Variants in DIAPH3 observed in about 807,000 individuals in gnomAD.
DIAPH3 encodes the protein protein diaphanous homolog 3.
A neutral mutation model predicts 144.3 loss-of-function variants in DIAPH3; 117 were observed. That is an observed-to-expected ratio of 0.81 (90% CI 0.70 to 0.95). The LOEUF (loss-of-function observed/expected upper bound fraction) is 0.95, where lower values mean the gene tolerates loss of function less well. Among genes scored for constraint, DIAPH3 ranks in the 40% least tolerant of loss-of-function variants. DIAPH3 has a pLI of 0.00. For synonymous variants in DIAPH3, 519 were observed against 488.9 expected, an observed-to-expected ratio of 1.06 and a Z score of -0.81; for missense variants, 1,421 against 1,412.7, an observed-to-expected ratio of 1.01 and a Z score of -0.09.
At chr13:59,917,868 C>T (rs369768037) in intron 18 of DIAPH3, among the ~76,000 whole-genome samples, 18 of 107,020 alleles carry the variant, frequency 1.7e-4, no homozygotes, top group African/African-American at 5.1e-4. Flanking sequence ...CCAGCCTGGG[C>T]GACAGAGTAA....
chr13:59,679,241 A>C (rs983294182), intron 27 of DIAPH3, among the ~76,000 whole-genome samples: 14 of 152,206 alleles, frequency 9.2e-5, no homozygotes, highest in Admixed American at 9.2e-4. Flanking sequence ...ATTCCTATGA[A>C]ACCCCAGGCT....
At chr13:60,105,719 C>A (rs183115236) in intron 3 of DIAPH3, among the ~76,000 whole-genome samples, 1 of 152,090 alleles carries the variant, frequency 6.6e-6, no homozygotes, top group African/African-American at 2.4e-5. Flanking sequence ...CTAGTCAAGC[C>A]TTAATACACT....
At chr13:59,708,027 C>T (rs2034524870) in intron 27 of DIAPH3, among the ~76,000 whole-genome samples, 1 of 151,228 alleles carries the variant, frequency 6.6e-6, no homozygotes, top group South Asian at 2.1e-4. Flanking sequence ...ATCCTAATTC[C>T]TCTTCAAACT....
intron 20 of DIAPH3, among the ~76,000 whole-genome samples, chr13:59,890,707 T>C (rs918301192): frequency 4.6e-5 from 7 of 152,010 alleles, no homozygotes; most frequent in Non-Finnish European, 1.0e-4. Flanking sequence ...TATATGTATG[T>C]ATGTATAAGG....
chr13:60,017,767 T>G (rs1196308619), intron 5 of DIAPH3, among the ~76,000 whole-genome samples: 1 of 152,202 alleles, frequency 6.6e-6, no homozygotes, highest in Non-Finnish European at 1.5e-5. Context: ...TAAAATGCAC[T>G]TAAACAGGAA....
intron 21 of DIAPH3, among the ~76,000 whole-genome samples, chr13:59,866,109 A>T (rs750997737): frequency 1.5e-4 from 23 of 151,984 alleles, no homozygotes; most frequent in Admixed American, 2.6e-4. Flanking sequence ...ATTTTAGAAG[A>T]ATACAACCTG....
chr13:59,906,797 C>T (rs570359158), intron 20 of DIAPH3, among the ~76,000 whole-genome samples: 2 of 152,306 alleles, frequency 1.3e-5, no homozygotes, highest in South Asian at 4.1e-4. Context: ...GTACACCAAG[C>T]TTCAACTGCA....
intron 3 of DIAPH3, among the ~76,000 whole-genome samples, chr13:60,104,589 C>CACACACA (rs1333925754): frequency 1.9e-3 from 277 of 149,022 alleles, no homozygotes; most frequent in African/African-American, 6.3e-3. Context: ...CACACACACA[C>CACACACA]ACACACGATG....
At chr13:59,861,648 T>G in intron 21 of DIAPH3, 112 bp from the exon 22 acceptor site, 1 of 1,196,538 alleles carries the variant, frequency 8.4e-7, no homozygotes, top group Non-Finnish European at 1.2e-6. Context: ...AGTTGTAAAA[T>G]TAGTTGATTT....
intron 25 of DIAPH3, among the ~76,000 whole-genome samples, chr13:59,779,748 G>C (rs1203053876): frequency 6.6e-6 from 1 of 152,064 alleles, no homozygotes; most frequent in Non-Finnish European, 1.5e-5. Context: ...CTGACCTCAG[G>C]TTATCTGCCA....
chr13:59,689,196 G>A (rs1326397749), intron 27 of DIAPH3, among the ~76,000 whole-genome samples: 1 of 152,036 alleles, frequency 6.6e-6, no homozygotes, highest in Non-Finnish European at 1.5e-5. Flanking sequence ...TAAATACAGG[G>A]GAGAAAGTAA....
chr13:60,027,745 T>C (rs2054481168), intron 5 of DIAPH3, among the ~76,000 whole-genome samples: 1 of 152,204 alleles, frequency 6.6e-6, no homozygotes, highest in African/African-American at 2.4e-5. Flanking sequence ...AGTACACTAA[T>C]ATTTAACTAA....
chr13:59,827,460 G>T (rs919404766), intron 24 of DIAPH3, among the ~76,000 whole-genome samples: 3 of 151,938 alleles, frequency 2.0e-5, no homozygotes, highest in Non-Finnish European at 4.4e-5. Flanking sequence ...GCAACAAAGG[G>T]GTGTGAAGAG....
rs976932139 is a variant in DIAPH3 at position 60,003,533 on chromosome 13, ATATC to A, written c.1014+5007_1014+5010del. On this transcript the variant is annotated intron_variant, in intron 9 of 27. Coordinates refer to ENST00000400324, the MANE Select transcript of DIAPH3 (RefSeq NM_001042517.2). Reference sequence around the variant, plus strand: ...TGTGTGTATACATATATATATAGATATATCTATCTATCTATATATAGATAGATAG... The same window carrying A: ...TGTGTGTATACATATATATATAGATATATCTATCTATATATAGATAGATAG... Among the ~76,000 whole-genome samples, 570 of 150,258 alleles carry A rather than the reference ATATC, an allele frequency of 3.8e-3. 2 individuals carry two copies. The highest frequency in any genetic ancestry group is 0.012 in the African/African-American group (497 of 41,106).
At chr13:59,999,172 A>C (rs2052379694) in intron 9 of DIAPH3, among the ~76,000 whole-genome samples, 1 of 152,120 alleles carries the variant, frequency 6.6e-6, no homozygotes, top group African/African-American at 2.4e-5. Flanking sequence ...ATTTGTTTTA[A>C]TGTGAGTATT....
intron 1 of DIAPH3, among the ~76,000 whole-genome samples, chr13:60,155,470 TG>T: frequency 6.6e-6 from 1 of 152,240 alleles, no homozygotes; most frequent in East Asian, 1.9e-4. Flanking sequence ...AAAAAATTTC[TG>T]GGTTTTTCTG....
chr13:59,908,369 CAAAAAAA>C (rs773306723), intron 20 of DIAPH3, among the ~76,000 whole-genome samples: 1 of 41,162 alleles, frequency 2.4e-5, no homozygotes, highest in African/African-American at 9.8e-5. Context: ...GACTCTGTCT[CAAAAAAA>C]AAAAAAAAAA....
At chr13:59,810,663 T>G in intron 25 of DIAPH3, 125 bp downstream of exon 25, 1 of 1,041,200 alleles carries the variant, frequency 9.6e-7, no homozygotes, top group Non-Finnish European at 1.4e-6. Flanking sequence ...AATTGTTCTA[T>G]GGTTTAATTA....
At chr13:59,853,045 T>A (rs989428179) in intron 22 of DIAPH3, among the ~76,000 whole-genome samples, 2 of 152,134 alleles carry the variant, frequency 1.3e-5, no homozygotes, top group African/African-American at 4.8e-5. Context: ...CTGGGTTAAG[T>A]ACTAATATTG....
Sources: gnomAD v4.1 joint callset for allele counts (sites outside exome capture counted in the v4.1 genomes callset) on GRCh38, gnomAD v4.1.1 for gene constraint, MANE v1.5 for transcripts, NCBI Gene and HGNC (gene_info 2026-07-23, HGNC 2026-07-21) for gene names.